The following PPFIA2 variants were observed in gnomAD, a reference collection of about 807,000 sequenced individuals.
PPFIA2 encodes the protein liprin-alpha-2.
PPFIA2 carries 46 observed loss-of-function variants against 175.5 expected under a neutral mutation model. The observed-to-expected ratio is 0.26, with a 90% CI of 0.21 to 0.34. PPFIA2 has a LOEUF of 0.34. PPFIA2 is among the 10% of genes least tolerant of loss of function. The pLI, the probability that PPFIA2 is intolerant of heterozygous loss-of-function variation, is 1.00. For synonymous variants in PPFIA2, 568 were observed against 511.4 expected (o/e 1.11, Z -1.49); for missense variants, 1,179 against 1,506.1 (o/e 0.78, Z 3.60).
intron 3 of PPFIA2, among the ~76,000 whole-genome samples, chr12:81,705,516 T>C (rs1365029297): frequency 6.8e-6 from 1 of 146,378 alleles, no homozygotes. Flanking sequence ...ACTCACAGAG[T>C]GTCCATAGTC....
intron 4 of PPFIA2, among the ~76,000 whole-genome samples, chr12:81,555,390 G>T (rs751944485): frequency 1.3e-5 from 2 of 151,880 alleles, no homozygotes; most frequent in African/African-American, 2.4e-5. Context: ...TGTATAAAAC[G>T]TCTTCACTGA....
chr12:81,609,242 T>C (rs913947703), intron 4 of PPFIA2, among the ~76,000 whole-genome samples: 1 of 152,136 alleles, frequency 6.6e-6, no homozygotes, highest in Non-Finnish European at 1.5e-5. Context: ...ATGAGAATAA[T>C]GTATATTCTG....
At chr12:81,619,491 A>G (rs2061788304) in intron 4 of PPFIA2, among the ~76,000 whole-genome samples, 2 of 152,202 alleles carry the variant, frequency 1.3e-5, no homozygotes, top group African/African-American at 2.4e-5. Flanking sequence ...CTTGGTATCA[A>G]TTTACTGCAA....
chr12:81,700,787 T>G (rs1244418266), intron 3 of PPFIA2, among the ~76,000 whole-genome samples: 2 of 152,102 alleles, frequency 1.3e-5, no homozygotes, highest in Non-Finnish European at 2.9e-5. Context: ...TAACATCGGT[T>G]GGATATACAT....
intron 16 of PPFIA2, among the ~76,000 whole-genome samples, chr12:81,354,649 A>AT (rs201943714): frequency 0.1 from 14,563 of 145,998 alleles, 1,195 homozygotes; most frequent in African/African-American, 0.24. Context: ...ATTAAGGTTG[A>AT]TTTTTTTTTT....
chr12:81,643,587 T>C (rs1321287525), intron 4 of PPFIA2, among the ~76,000 whole-genome samples: 1 of 151,928 alleles, frequency 6.6e-6, no homozygotes, highest in Non-Finnish European at 1.5e-5. Flanking sequence ...TTATGGATCT[T>C]GGGAAAAAAT....
At chr12:81,444,374 A>C (rs1318102986) in intron 6 of PPFIA2, among the ~76,000 whole-genome samples, 1 of 152,186 alleles carries the variant, frequency 6.6e-6, no homozygotes, top group East Asian at 1.9e-4. Context: ...CATACTAAAA[A>C]TTCTATACAT....
intron 4 of PPFIA2, among the ~76,000 whole-genome samples, chr12:81,596,420 AGTTTAT>A (rs947016736): frequency 5.3e-5 from 8 of 152,098 alleles, no homozygotes; most frequent in African/African-American, 1.9e-4. Context: ...AGAAGAACAG[AGTTTAT>A]GTTTGGTAAA....
At chr12:81,352,988 G>A in intron 17 of PPFIA2, 131 bp downstream of exon 17, 1 of 714,634 alleles carries the variant, frequency 1.4e-6, no homozygotes, top group Non-Finnish European at 2.4e-6. Context: ...TGTGTACGGG[G>A]TGAGGTCTGA....
At chr12:81,444,808 A>G (rs1377049573) in intron 6 of PPFIA2, among the ~76,000 whole-genome samples, 1 of 152,310 alleles carries the variant, frequency 6.6e-6, no homozygotes, top group East Asian at 1.9e-4. Context: ...AAGTGTCCCA[A>G]TTTCCACTCT....
intron 4 of PPFIA2, among the ~76,000 whole-genome samples, chr12:81,508,521 C>CAAAA (rs544893385): frequency 1.8e-3 from 80 of 44,760 alleles, no homozygotes; most frequent in South Asian, 4.9e-3. Context: ...AATTCCACCT[C>CAAAA]AAAAAAAAAA....
At position 81,512,383 on chromosome 12, in the gene PPFIA2, C is replaced by T. The variant is rs1594271760; in HGVS notation, c.304-54517G>A. Reference sequence around the variant, plus strand: ...AAATTACTTACATTCTCTGAGCATTCTACCTTCTAAACTTTGTGATGCTGG... The same window carrying T: ...AAATTACTTACATTCTCTGAGCATTTTACCTTCTAAACTTTGTGATGCTGG... On this transcript the variant is annotated intron_variant, in intron 4 of 32. Transcript: ENST00000549396. The T allele has an allele frequency of 3.9e-6, 5 of 1,286,382 alleles. No individual in the cohort carries two copies. The East Asian group carries it at 2.2e-4, about 57-fold the overall frequency. The allele number at this position is 1,286,382 out of a possible 1,614,324, so 79.7% of individuals were successfully genotyped here.
Position 81,369,152 on chromosome 12 carries a change from A to C in PPFIA2, c.1309T>G (p.Leu437Val). The C allele has an allele frequency of 6.2e-7, 1 of 1,608,936 alleles. No individual in the cohort carries two copies. Among genetic ancestry groups the C allele is most frequent in the Non-Finnish European group, 8.5e-7 (1 of 1,176,850 alleles). ...TTCTTCTCTTCAAGTTGACCCTCTA[A>C]ATGTCTCATACGTTCTTCAATATTT... is the stretch of plus-strand genomic sequence containing the variant. ...HGNIEERMRH[L>V]EGQLEEKNQE... Residue 437 changes from leucine (L) to valine (V), a missense_variant, in exon 12 of 33, where the codon TTA becomes GTA. By Grantham distance (32) the Leu-to-Val change is conservative (BLOSUM62 1). Transcript: ENST00000549396.
chr12:81,562,872 A>T (rs2070466127), intron 4 of PPFIA2, among the ~76,000 whole-genome samples: 1 of 150,462 alleles, frequency 6.6e-6, no homozygotes, highest in South Asian at 2.1e-4. Flanking sequence ...AAAAAAAAAA[A>T]AAAGAGAGAG....
intron 4 of PPFIA2, among the ~76,000 whole-genome samples, chr12:81,533,735 C>CTATATATA (rs1555461233): frequency 2.7e-4 from 20 of 73,614 alleles, no homozygotes; most frequent in East Asian, 6.9e-4. Context: ...ATCTATCTAT[C>CTATATATA]TATATATCTA....
Position 81,374,875 on chromosome 12 carries a change from C to T in PPFIA2, c.1132-107G>A, listed in dbSNP as rs1013113952. On this transcript the variant is annotated intron_variant, in intron 10 of 32. Coordinates refer to ENST00000549396, the MANE Select transcript of PPFIA2 (RefSeq NM_003625.5). ...AGCCATGATTCTAGATTTAAATCAG[C>T]CACTACCACACCTAAATGTGCAAAG... The T allele has an allele frequency of 4.3e-5, 43 of 1,001,046 alleles. No individual in the cohort carries two copies. In the African/African-American group the frequency reaches 6.7e-4, roughly 16 times the overall value. 62.0% of individuals were successfully genotyped at this position (1,001,046 alleles called of 1,614,324 possible).
At chr12:81,301,174 G>A (rs1261998647) in intron 22 of PPFIA2, among the ~76,000 whole-genome samples, 1 of 151,992 alleles carries the variant, frequency 6.6e-6, no homozygotes, top group African/African-American at 2.4e-5. Context: ...AGCAGGAGAA[G>A]CACTAATGGG....
intron 4 of PPFIA2, among the ~76,000 whole-genome samples, chr12:81,508,821 G>A (rs1349293103): frequency 7.5e-6 from 1 of 134,054 alleles, no homozygotes; most frequent in Non-Finnish European, 1.5e-5. Context: ...GTGTCCATGT[G>A]TTCTCATTGT....
chr12:81,375,396 A>G (rs17305571), intron 10 of PPFIA2, among the ~76,000 whole-genome samples: 14,137 of 152,158 alleles, frequency 0.093, 854 homozygotes, highest in Middle Eastern at 0.16. Flanking sequence ...TAAACTTAGT[A>G]TTCCATTATT....
Sources: allele counts gnomAD v4.1 joint callset (sites outside exome capture counted in the v4.1 genomes callset), GRCh38; gene constraint gnomAD v4.1.1; transcripts MANE v1.5; gene names NCBI Gene and HGNC (gene_info 2026-07-23, HGNC 2026-07-21).